SORBS2: variants seen among roughly 807,000 people sequenced by gnomAD.
The protein encoded by SORBS2 is sorbin and SH3 domain containing 2.
A neutral mutation model predicts 97.7 loss-of-function variants in SORBS2; 46 were observed. The observed-to-expected ratio is 0.47, with a 90% confidence interval of 0.37 to 0.60. SORBS2 has a LOEUF of 0.60. SORBS2 is among the 20% of genes least tolerant of loss of function. SORBS2 has a pLI of 0.00. For synonymous variants in SORBS2, 476 were observed against 473.4 expected (o/e 1.01, Z -0.07); for missense variants, 1,316 against 1,282.3 (o/e 1.03, Z -0.40).
intron 1 of SORBS2, among the ~76,000 whole-genome samples, chr4:185,809,482 A>AAAAAAAAC (rs1561170208): frequency 6.8e-6 from 1 of 147,894 alleles, no homozygotes; most frequent in African/African-American, 2.5e-5. Context: ...AAAAAAAAAA[A>AAAAAAAAC]TCTGATATAG....
chr4:185,673,184 T>G (rs1178198114), intron 4 of SORBS2, among the ~76,000 whole-genome samples: 1 of 152,140 alleles, frequency 6.6e-6, no homozygotes, highest in Non-Finnish European at 1.5e-5. Flanking sequence ...GGATATGAGT[T>G]GCTATTCGGT....
chr4:185,625,447 A>C (rs2096794823), intron 6 of SORBS2, among the ~76,000 whole-genome samples: 1 of 152,244 alleles, frequency 6.6e-6, no homozygotes, highest in South Asian at 2.1e-4. Context: ...ATCTCTATTC[A>C]ATACTTATAC....
chr4:185,887,857 G>C (rs1034023285), intron 1 of SORBS2, among the ~76,000 whole-genome samples: 1 of 151,758 alleles, frequency 6.6e-6, no homozygotes, highest in Non-Finnish European at 1.5e-5. Flanking sequence ...CTGTAATTTT[G>C]TTCCTCAAAA....
At chr4:185,666,375 C>G (rs758451011) in intron 4 of SORBS2, among the ~76,000 whole-genome samples, 4 of 152,118 alleles carry the variant, frequency 2.6e-5, no homozygotes, top group South Asian at 2.1e-4. Flanking sequence ...AGTGTGAAAA[C>G]AGGAAGAAAG....
intron 1 of SORBS2, among the ~76,000 whole-genome samples, chr4:185,882,435 A>C (rs1035338396): frequency 6.6e-6 from 1 of 152,202 alleles, no homozygotes; most frequent in Non-Finnish European, 1.5e-5. Flanking sequence ...AAGAAATTAA[A>C]TAAGATCTGT....
intron 4 of SORBS2, among the ~76,000 whole-genome samples, chr4:185,641,132 TATGATAGA>T (rs35370368): frequency 0.32 from 48,301 of 151,698 alleles, 8,064 homozygotes; most frequent in South Asian, 0.51. Context: ...AATGCATCTC[TATGATAGA>T]ATATGGAAAA....
At chr4:185,683,833 A>C (rs1242276482) in intron 2 of SORBS2, among the ~76,000 whole-genome samples, 1 of 152,204 alleles carries the variant, frequency 6.6e-6, no homozygotes, top group African/African-American at 2.4e-5. Context: ...CTGTAAAGCG[A>C]AGAACACCCT....
At chr4:185,825,212 GTTTTTT>G (rs146561971) in intron 1 of SORBS2, among the ~76,000 whole-genome samples, 1 of 147,524 alleles carries the variant, frequency 6.8e-6, no homozygotes, top group African/African-American at 2.5e-5. Flanking sequence ...TCTGTTTTTT[GTTTTTT>G]TTTTTACTGT....
At chr4:185,883,176 A>C (rs540349717) in intron 1 of SORBS2, among the ~76,000 whole-genome samples, 31 of 152,354 alleles carry the variant, frequency 2.0e-4, no homozygotes, top group African/African-American at 5.5e-4. Context: ...ACTTATATTT[A>C]AACCATAAAA....
chr4:185,895,517 C>T (rs147876537), intron 1 of SORBS2, among the ~76,000 whole-genome samples: 56 of 152,356 alleles, frequency 3.7e-4, no homozygotes, highest in South Asian at 1.4e-3. Flanking sequence ...GCGGTCATGG[C>T]GCCCGGGCGA....
intron 1 of SORBS2, among the ~76,000 whole-genome samples, chr4:185,942,315 G>A (rs2099272408): frequency 6.6e-6 from 1 of 151,804 alleles, no homozygotes; most frequent in Non-Finnish European, 1.5e-5. Context: ...AATCGAACAG[G>A]ACCTTCATTT....
chr4:185,602,511 T>G (rs2096286374), intron 12 of SORBS2, among the ~76,000 whole-genome samples: 1 of 152,234 alleles, frequency 6.6e-6, no homozygotes, highest in Non-Finnish European at 1.5e-5. Flanking sequence ...GTCATTGTCT[T>G]AGAAAACACT....
intron 2 of SORBS2, among the ~76,000 whole-genome samples, chr4:185,722,283 A>C (rs2098521246): frequency 6.6e-6 from 1 of 152,246 alleles, no homozygotes; most frequent in South Asian, 2.1e-4. Flanking sequence ...CATCTGTGAA[A>C]TTCTGGTAAG....
intron 1 of SORBS2, among the ~76,000 whole-genome samples, chr4:185,864,672 A>G (rs1253006176): frequency 2.6e-5 from 4 of 152,190 alleles, no homozygotes; most frequent in African/African-American, 9.6e-5. Flanking sequence ...GCACTTTGGG[A>G]GGCCAAGGCA....
At chr4:185,703,782 T>C (rs949769171) in intron 2 of SORBS2, among the ~76,000 whole-genome samples, 4 of 152,220 alleles carry the variant, frequency 2.6e-5, no homozygotes, top group Non-Finnish European at 5.9e-5. Flanking sequence ...TTACATAAAT[T>C]ATGATTTAAT....
chr4:185,914,590 T>C (rs554878766), intron 1 of SORBS2, among the ~76,000 whole-genome samples: 1 of 152,382 alleles, frequency 6.6e-6, no homozygotes, highest in Admixed American at 6.5e-5. Context: ...GTTATTACCG[T>C]GAACGCACGT....
rs34934462 is a variant in SORBS2, at chr4:185,869,906, T to A, written c.-338+86290A>T. On this transcript the variant is annotated intron_variant, in intron 1 of 20. Transcript: ENST00000284776. ...TCGAGGAATAATTTAAAGGTGTCAG[T>A]TAATTTATTAACATTTTCTTCAAAT... is the stretch of plus-strand genomic sequence containing the variant. Among the ~76,000 whole-genome samples the A allele has an allele frequency of 4.1e-3, 620 of 152,330 alleles. 3 individuals are homozygous for A. The highest frequency in any genetic ancestry group is 0.014 in the African/African-American group (586 of 41,568).
At chr4:185,899,584 C>T (rs1328973977) in intron 1 of SORBS2, among the ~76,000 whole-genome samples, 1 of 152,142 alleles carries the variant, frequency 6.6e-6, no homozygotes, top group Non-Finnish European at 1.5e-5. Flanking sequence ...ATACTCAGCA[C>T]TGAGTTTAAA....
chr4:185,625,334 T>C (rs972793196), intron 6 of SORBS2, among the ~76,000 whole-genome samples: 56 of 152,366 alleles, frequency 3.7e-4, no homozygotes, highest in African/African-American at 1.2e-3. Context: ...TGAATAGCTA[T>C]GGAAATGTTC....
Sources: allele counts gnomAD v4.1 joint callset (sites outside exome capture counted in the v4.1 genomes callset), GRCh38; gene constraint gnomAD v4.1.1; transcripts MANE v1.5; gene names NCBI Gene and HGNC (gene_info 2026-07-23, HGNC 2026-07-21).